The following BCKDHB variants were observed in gnomAD, a reference collection of about 807,000 sequenced individuals.
BCKDHB encodes the protein 2-oxoisovalerate dehydrogenase subunit beta, mitochondrial.
A neutral mutation model predicts 48.5 loss-of-function variants in BCKDHB; 41 were observed. That is an observed-to-expected ratio of 0.85 (90% CI 0.66 to 1.10). The LOEUF is 1.10. BCKDHB is among the 50% of genes least tolerant of loss of function. The probability of loss-of-function intolerance (pLI) is 0.00; values close to 1 mark genes in which losing one functional copy is unlikely to be tolerated. For missense variants in BCKDHB, 496 were observed against 494.2 expected, an observed-to-expected ratio of 1.00 and a Z score of -0.03; for synonymous variants, 201 against 174.8, an observed-to-expected ratio of 1.15 and a Z score of -1.18.
At chr6:80,433,313 T>C in the BCKDHB span, among the ~76,000 whole-genome samples, 1 of 152,156 alleles carries the variant, frequency 6.6e-6, no homozygotes, top group Admixed American at 6.5e-5. Context: ...GGTTTTATTT[T>C]TAAGTCCCCA....
intron 8 of BCKDHB, among the ~76,000 whole-genome samples, chr6:80,256,357 ACT>A (rs1777050759): frequency 1.3e-5 from 2 of 152,166 alleles, no homozygotes; most frequent in African/African-American, 4.8e-5. Flanking sequence ...CTGCTCCTAG[ACT>A]ATAAACCTGT....
At chr6:80,435,146 C>T in the BCKDHB span, among the ~76,000 whole-genome samples, 3 of 152,136 alleles carry the variant, frequency 2.0e-5, no homozygotes, top group African/African-American at 7.2e-5. Context: ...TTTATCTATC[C>T]CTATCCTAGG....
chr6:80,149,182 AAAG>A (rs1293832940), intron 3 of BCKDHB, among the ~76,000 whole-genome samples: 1 of 152,200 alleles, frequency 6.6e-6, no homozygotes, highest in African/African-American at 2.4e-5. Flanking sequence ...ACACTTCTCA[AAAG>A]AAGACATTTA....
the BCKDHB span, among the ~76,000 whole-genome samples, chr6:80,359,122 A>G: frequency 6.6e-6 from 1 of 152,174 alleles, no homozygotes; most frequent in African/African-American, 2.4e-5. Flanking sequence ...TGCACGTGAC[A>G]TTAGTTCCCA....
At chr6:80,170,047 C>CTT in intron 5 of BCKDHB, 3 of 609,192 alleles carry the variant, frequency 4.9e-6, no homozygotes, top group Non-Finnish European at 6.2e-6. Context: ...TTCCTTTTTC[C>CTT]TTTTTTTTTC....
At chr6:80,287,056 G>A (rs1377458015) in intron 9 of BCKDHB, among the ~76,000 whole-genome samples, 1 of 152,116 alleles carries the variant, frequency 6.6e-6, no homozygotes, top group Non-Finnish European at 1.5e-5. Flanking sequence ...GTGAACTGGT[G>A]GGGAGTGAGT....
intron 8 of BCKDHB, among the ~76,000 whole-genome samples, chr6:80,227,333 C>G (rs569407238): frequency 6.6e-4 from 100 of 152,284 alleles, no homozygotes; most frequent in African/African-American, 2.3e-3. Context: ...CACTTAAACC[C>G]TTAAACTCCC....
intron 1 of BCKDHB, among the ~76,000 whole-genome samples, chr6:80,122,933 C>T (rs373163827): frequency 1.4e-4 from 21 of 152,138 alleles, no homozygotes; most frequent in Middle Eastern, 3.4e-3. Flanking sequence ...ATAAGACAGA[C>T]GCTCCCAGAG....
chr6:80,189,729 ACAGTTACTT>A (rs1773807310), intron 6 of BCKDHB, among the ~76,000 whole-genome samples: 1 of 152,188 alleles, frequency 6.6e-6, no homozygotes, highest in Non-Finnish European at 1.5e-5. Flanking sequence ...ATTTTTATGT[ACAGTTACTT>A]TTTAAAGCTA....
chr6:80,203,417 C>G (rs1774492668), intron 8 of BCKDHB, among the ~76,000 whole-genome samples: 1 of 152,042 alleles, frequency 6.6e-6, no homozygotes, highest in South Asian at 2.1e-4. Flanking sequence ...ATTTTTCCTC[C>G]TGTAGTTTCC....
At chr6:80,360,386 A>G in the BCKDHB span, among the ~76,000 whole-genome samples, 1 of 152,216 alleles carries the variant, frequency 6.6e-6, no homozygotes, top group Non-Finnish European at 1.5e-5. Flanking sequence ...AACAGGAAGG[A>G]ATCCTGACTT....
intron 6 of BCKDHB, among the ~76,000 whole-genome samples, chr6:80,180,269 C>A (rs141693464): frequency 1.3e-5 from 2 of 152,066 alleles, no homozygotes; most frequent in South Asian, 2.1e-4. Flanking sequence ...ATAATATTTT[C>A]GATTTCCTGA....
the BCKDHB span, among the ~76,000 whole-genome samples, chr6:80,357,954 G>T: frequency 6.6e-6 from 1 of 152,294 alleles, no homozygotes; most frequent in Admixed American, 6.5e-5. Flanking sequence ...GTATTCATGA[G>T]AAGCTAATTT....
chr6:80,440,288 A>T, the BCKDHB span, among the ~76,000 whole-genome samples: 1 of 152,336 alleles, frequency 6.6e-6, no homozygotes, highest in African/African-American at 2.4e-5. Flanking sequence ...TAATACAATG[A>T]CTAAGTACTC....
downstream of BCKDHB, among the ~76,000 whole-genome samples, chr6:80,348,142 GA>G (rs1365301524): frequency 6.6e-6 from 1 of 152,064 alleles, no homozygotes; most frequent in Non-Finnish European, 1.5e-5. Flanking sequence ...AGAACTTCTA[GA>G]ATGTTTTCCC....
At chr6:80,291,356 G>A (rs926365285) in intron 9 of BCKDHB, among the ~76,000 whole-genome samples, 9 of 152,064 alleles carry the variant, frequency 5.9e-5, no homozygotes, top group South Asian at 2.1e-4. Flanking sequence ...AGAAATCATC[G>A]GTATGTCAAG....
chr6:80,291,077 A>G (rs182828968), intron 9 of BCKDHB, among the ~76,000 whole-genome samples: 4 of 152,214 alleles, frequency 2.6e-5, no homozygotes, highest in Non-Finnish European at 4.4e-5. Flanking sequence ...CCAACCTCCT[A>G]TCTCATCCTG....
chr6:80,390,312 G>C, the BCKDHB span, among the ~76,000 whole-genome samples: 1 of 59,662 alleles, frequency 1.7e-5, no homozygotes, highest in Non-Finnish European at 3.7e-5. Flanking sequence ...TGAAGGTTTG[G>C]GTCACTCCGC....
chr6:80,209,759 A>G (rs1271444426), intron 8 of BCKDHB, among the ~76,000 whole-genome samples: 1 of 152,042 alleles, frequency 6.6e-6, no homozygotes, highest in African/African-American at 2.4e-5. Context: ...CTTGTGCACT[A>G]ATAAAACACT....
Sources: allele counts gnomAD v4.1 joint callset (sites outside exome capture counted in the v4.1 genomes callset), GRCh38; gene constraint gnomAD v4.1.1; transcripts MANE v1.5; gene names NCBI Gene and HGNC (gene_info 2026-07-23, HGNC 2026-07-21).